Variants in PEAK1 observed in about 807,000 individuals in gnomAD.
The protein encoded by PEAK1 is inactive tyrosine-protein kinase PEAK1.
In PEAK1, 54 loss-of-function variants were observed where a neutral mutation model predicts 124.7. The observed-to-expected ratio is 0.43, with a 90% CI of 0.35 to 0.54. PEAK1 has a LOEUF of 0.54. Among genes scored for constraint, PEAK1 ranks in the 20% least tolerant of loss-of-function variants. PEAK1 has a pLI of 0.01. For synonymous variants in PEAK1, 719 were observed against 760.0 expected, an observed-to-expected ratio of 0.95 and a Z score of 0.89; for missense variants, 2,046 against 2,134.5, an observed-to-expected ratio of 0.96 and a Z score of 0.82.
At chr15:77,122,245 A>G (rs982174626) in intron 9 of PEAK1, among the ~76,000 whole-genome samples, 1 of 152,212 alleles carries the variant, frequency 6.6e-6, no homozygotes, top group African/African-American at 2.4e-5. Context: ...AATTGCTGCA[A>G]AAATGTTCAC....
intron 7 of PEAK1, among the ~76,000 whole-genome samples, chr15:77,164,853 T>C (rs1375640630): frequency 6.6e-6 from 1 of 152,084 alleles, no homozygotes; most frequent in African/African-American, 2.4e-5. Flanking sequence ...AAAACACCCA[T>C]AGCCTTCTCC....
chr15:77,116,701 A>AATCAATCTATCT (rs1313494282), intron 9 of PEAK1, among the ~76,000 whole-genome samples: 2 of 145,752 alleles, frequency 1.4e-5, no homozygotes, highest in Non-Finnish European at 3.0e-5. Flanking sequence ...GAAATCAATC[A>AATCAATCTATCT]ATCTATCTAT....
At chr15:77,153,522 G>A (rs2054847159) in intron 8 of PEAK1, among the ~76,000 whole-genome samples, 1 of 152,050 alleles carries the variant, frequency 6.6e-6, no homozygotes, top group African/African-American at 2.4e-5. Context: ...CTTGCCTTCT[G>A]CTAGCTTTTG....
intron 1 of PEAK1, among the ~76,000 whole-genome samples, chr15:77,374,986 G>A (rs1303365426): frequency 6.6e-6 from 1 of 151,950 alleles, no homozygotes; most frequent in African/African-American, 2.4e-5. Context: ...TTAGAAAAGA[G>A]GAGAAAAATT....
chr15:77,343,652 A>G (rs899127611), intron 2 of PEAK1, among the ~76,000 whole-genome samples: 2 of 151,722 alleles, frequency 1.3e-5, no homozygotes, highest in African/African-American at 2.4e-5. Context: ...TGCCCGGCTA[A>G]TTTTTGTATT....
At chr15:77,350,710 A>C in intron 2 of PEAK1, 6 of 985,380 alleles carry the variant, frequency 6.1e-6, no homozygotes, top group Non-Finnish European at 7.2e-6. Context: ...AGCTCTAAAC[A>C]AGCCACAGAA....
rs1435527534 is a variant in PEAK1 at position 77,113,489 on chromosome 15, G to C, written c.*667C>G. 3 of 152,562 alleles carry C rather than the reference G, an allele frequency of 2.0e-5. No homozygotes were observed. The highest frequency in any genetic ancestry group is 7.2e-5 in the African/African-American group (3 of 41,472). 9.5% of individuals were successfully genotyped at this position (152,562 alleles called of 1,614,324 possible). ...TGGAGAATCAGGCAGTGGCAGCAGA[G>C]GGGAGACTATTAGGGCTGTCCTCCA... On this transcript the variant is annotated 3_prime_UTR_variant, in exon 10 of 10. Transcript: ENST00000682557.
At chr15:77,313,682 G>A (rs1269772567) in intron 2 of PEAK1, among the ~76,000 whole-genome samples, 74 of 118,632 alleles carry the variant, frequency 6.2e-4, no homozygotes, top group African/African-American at 2.9e-3. Flanking sequence ...GTGTGTGTGT[G>A]TGTGTGTGTG....
At chr15:77,281,003 T>C (rs1376934031) in intron 5 of PEAK1, among the ~76,000 whole-genome samples, 1 of 151,852 alleles carries the variant, frequency 6.6e-6, no homozygotes, top group Non-Finnish European at 1.5e-5. Flanking sequence ...CTACTGAAAA[T>C]ACAAAAATTA....
chr15:77,259,741 A>G (rs1362521993), intron 5 of PEAK1, among the ~76,000 whole-genome samples: 3 of 152,166 alleles, frequency 2.0e-5, no homozygotes, highest in Non-Finnish European at 4.4e-5. Context: ...ATGATCCCTA[A>G]GAAAACAGAA....
At chr15:77,367,262 T>C (rs1420733529) in intron 1 of PEAK1, among the ~76,000 whole-genome samples, 4 of 152,194 alleles carry the variant, frequency 2.6e-5, no homozygotes, top group African/African-American at 4.8e-5. Flanking sequence ...AGGGCATACA[T>C]AGGAACTCTC....
chr15:77,215,025 T>A (rs539741125), intron 6 of PEAK1, among the ~76,000 whole-genome samples: 7 of 152,342 alleles, frequency 4.6e-5, no homozygotes, highest in Admixed American at 3.9e-4. Flanking sequence ...TATTACCATA[T>A]TGGTTTTCAA....
chr15:77,300,108 G>C (rs2063710298), intron 2 of PEAK1, among the ~76,000 whole-genome samples: 1 of 152,166 alleles, frequency 6.6e-6, no homozygotes, highest in South Asian at 2.1e-4. Flanking sequence ...ATCAGTCATT[G>C]TCCAAGAAAC....
Position 77,180,579 on chromosome 15 carries a change from T to C in PEAK1, c.1348A>G (p.Ile450Val), listed in dbSNP as rs189726929. ...TGCTCTTCTGTGGGGACAAGGTTTA[T>C]GGTTACTGCTTGCCCAGCAACATCT... Reference protein sequence around the residue: ...STDVAGQAVTINLVPTEEQAK... With the variant: ...STDVAGQAVTVNLVPTEEQAK... The change falls in exon 7 of 10, where the codon ATA (isoleucine) becomes GTA (valine). Residue 450 changes from isoleucine to valine, a missense_variant. Ile to Val is a conservative substitution (Grantham distance 29, BLOSUM62 3). Transcript: ENST00000682557. 67 of 1,614,158 alleles carry C rather than the reference T, an allele frequency of 4.2e-5. 1 individual carries two copies. In the Admixed American group the frequency reaches 5.2e-4, roughly 12 times the overall value.
At chr15:77,236,497 C>G (rs534644257) in intron 6 of PEAK1, among the ~76,000 whole-genome samples, 14 of 152,300 alleles carry the variant, frequency 9.2e-5, no homozygotes, top group African/African-American at 3.1e-4. Context: ...TTCCTGTTCC[C>G]TCCATTGTAA....
At chr15:77,213,380 GAAA>G (rs2058994497) in intron 6 of PEAK1, among the ~76,000 whole-genome samples, 1 of 152,052 alleles carries the variant, frequency 6.6e-6, no homozygotes, top group South Asian at 2.1e-4. Context: ...GCTTCCAGTA[GAAA>G]AAATAAAGGT....
chr15:77,206,598 T>G (rs1156559891), intron 6 of PEAK1, among the ~76,000 whole-genome samples: 1 of 151,876 alleles, frequency 6.6e-6, no homozygotes, highest in East Asian at 1.9e-4. Context: ...CATTTTTTCA[T>G]GTGTTTTTTG....
At chr15:77,168,239 A>ACG (rs2056261190) in intron 7 of PEAK1, among the ~76,000 whole-genome samples, 1 of 143,482 alleles carries the variant, frequency 7.0e-6, no homozygotes, top group Non-Finnish European at 1.5e-5. Flanking sequence ...GTGCGCGCGC[A>ACG]CACACACACA....
Position 77,115,199 on chromosome 15 carries a change from T to C in PEAK1, c.4198A>G (p.Asn1400Asp). ...GGATCCTCCCAGGGAAGCAGACGGT[T>C]AGGGACTTCAGCAAGGAAATGACCA... The part of the protein sequence containing the change: ...DCGHFLAEVP[N>D]RLLPWEDPDD... The change falls in exon 10 of 10, where the codon AAC (asparagine) becomes GAC (aspartate). Residue 1400 changes from asparagine (N) to aspartate (D), a missense_variant. By Grantham distance (23) the Asn-to-Asp change is conservative. Transcript: ENST00000682557. 6.2e-7 allele frequency: 1 copy of C among 1,614,186 alleles called. No individual in the cohort carries two copies. The highest frequency in any genetic ancestry group is 1.7e-5 in the Admixed American group (1 of 60,028).
Sources: gnomAD v4.1 joint callset for allele counts (sites outside exome capture counted in the v4.1 genomes callset) on GRCh38, gnomAD v4.1.1 for gene constraint, MANE v1.5 for transcripts, NCBI Gene and HGNC (gene_info 2026-07-23, HGNC 2026-07-21) for gene names.